TMEM132D: variants seen among roughly 807,000 people sequenced by gnomAD.
TMEM132D encodes transmembrane protein 132D.
In TMEM132D, 21 loss-of-function variants were observed where a neutral mutation model predicts 62.3. That is an observed-to-expected ratio of 0.34 (90% CI 0.24 to 0.49). The LOEUF (loss-of-function observed/expected upper bound fraction) is 0.49, where lower values mean the gene tolerates loss of function less well. TMEM132D is among the 20% of genes least tolerant of loss of function. The pLI is 0.99. For synonymous variants in TMEM132D, 621 were observed against 575.6 expected, an observed-to-expected ratio of 1.08 and a Z score of -1.13; for missense variants, 1,346 against 1,402.8, an observed-to-expected ratio of 0.96 and a Z score of 0.65.
intron 1 of TMEM132D, among the ~76,000 whole-genome samples, chr12:129,719,707 T>A (rs1281797834): frequency 2.0e-5 from 3 of 152,200 alleles, no homozygotes; most frequent in Non-Finnish European, 4.4e-5. Flanking sequence ...AAGTGCCTAT[T>A]TCAGGGCCTT....
intron 4 of TMEM132D, among the ~76,000 whole-genome samples, chr12:129,213,820 C>T (rs754851632): frequency 4.6e-5 from 7 of 152,190 alleles, no homozygotes; most frequent in Non-Finnish European, 8.8e-5. Flanking sequence ...TCCCATGGCC[C>T]TACCTCCAAC....
intron 1 of TMEM132D, among the ~76,000 whole-genome samples, chr12:129,890,607 G>A (rs1874891172): frequency 6.6e-6 from 1 of 152,184 alleles, no homozygotes; most frequent in Non-Finnish European, 1.5e-5. Flanking sequence ...GATTTCTAAA[G>A]AGTTACACGA....
intron 4 of TMEM132D, among the ~76,000 whole-genome samples, chr12:129,272,500 C>G (rs1880880089): frequency 6.6e-6 from 1 of 151,772 alleles, no homozygotes. Flanking sequence ...CCATGAGGTT[C>G]TTGATAAATG....
chr12:129,865,578 G>A (rs1874033665), intron 1 of TMEM132D, among the ~76,000 whole-genome samples: 1 of 152,176 alleles, frequency 6.6e-6, no homozygotes, highest in South Asian at 2.1e-4. Context: ...GGGAATCTGG[G>A]TTTCATTGTG....
chr12:129,408,451 T>TG (rs1388765789), intron 3 of TMEM132D, among the ~76,000 whole-genome samples: 1 of 151,958 alleles, frequency 6.6e-6, no homozygotes, highest in East Asian at 1.9e-4. Context: ...TTTTTTTTTT[T>TG]TTATCATTTC....
In TMEM132D at chr12:129,742,003, T is replaced by C. The variant is rs375340061; in HGVS notation, c.80-41305A>G. 9.9e-5 allele frequency among the ~76,000 whole-genome samples: 15 copies of C among 152,276 alleles called. No individual in the cohort carries two copies. The East Asian group carries it at 2.9e-3, about 29-fold the overall frequency. On this transcript the variant is annotated intron_variant, in intron 1 of 8. Transcript: ENST00000422113. ...TCCCAAACTAACAACATCTACATCT[T>C]TAGCATACCACAAGGTATGCAAAAT...
intron 5 of TMEM132D, among the ~76,000 whole-genome samples, chr12:129,199,102 C>CTT (rs58775767): frequency 3.4e-4 from 33 of 95,812 alleles, no homozygotes; most frequent in Non-Finnish European, 5.4e-4. Context: ...GTCCATCTAC[C>CTT]TTTTTTTTTT....
chr12:129,285,004 G>A (rs1468038781), intron 4 of TMEM132D, among the ~76,000 whole-genome samples: 1 of 152,214 alleles, frequency 6.6e-6, no homozygotes, highest in Non-Finnish European at 1.5e-5. Flanking sequence ...ACAGCATTGT[G>A]AATATACGAA....
intron 5 of TMEM132D, among the ~76,000 whole-genome samples, chr12:129,130,987 C>A (rs73416544): frequency 0.095 from 14,377 of 152,102 alleles, 876 homozygotes; most frequent in African/African-American, 0.16. Context: ...GTGGTGGGAC[C>A]GAGGCATCAG....
At chr12:129,098,711 C>T (rs1875193189) in intron 5 of TMEM132D, among the ~76,000 whole-genome samples, 1 of 152,188 alleles carries the variant, frequency 6.6e-6, no homozygotes, top group African/African-American at 2.4e-5. Flanking sequence ...GCCAAAGTGA[C>T]CTTATTACAT....
At chr12:129,620,503 A>G (rs1199474134) in intron 2 of TMEM132D, among the ~76,000 whole-genome samples, 1 of 152,108 alleles carries the variant, frequency 6.6e-6, no homozygotes, top group African/African-American at 2.4e-5. Context: ...GGAGGCTGAA[A>G]CTTGAGAATC....
At chr12:129,399,576 C>T (rs755149912) in intron 3 of TMEM132D, among the ~76,000 whole-genome samples, 2 of 150,920 alleles carry the variant, frequency 1.3e-5, no homozygotes, top group Non-Finnish European at 2.9e-5. Context: ...AAGACATGAG[C>T]TTTGGGTAAC....
intron 2 of TMEM132D, among the ~76,000 whole-genome samples, chr12:129,667,376 G>T (rs535668410): frequency 1.3e-5 from 2 of 152,174 alleles, no homozygotes; most frequent in East Asian, 3.9e-4. Context: ...TTCTCCTTTG[G>T]TTAAATGGCA....
chr12:129,180,993 C>T (rs952484314), intron 5 of TMEM132D, among the ~76,000 whole-genome samples: 1 of 151,788 alleles, frequency 6.6e-6, no homozygotes, highest in Non-Finnish European at 1.5e-5. Context: ...GGTTATGGGG[C>T]CAGGAGAGGA....
intron 1 of TMEM132D, among the ~76,000 whole-genome samples, chr12:129,823,918 T>C (rs574937117): frequency 1.3e-5 from 2 of 152,344 alleles, no homozygotes; most frequent in East Asian, 3.9e-4. Flanking sequence ...TTTAATCTCA[T>C]TCCCGTTAAA....
intron 3 of TMEM132D, among the ~76,000 whole-genome samples, chr12:129,347,271 A>G (rs771659634): frequency 1.1e-4 from 17 of 152,230 alleles, no homozygotes; most frequent in Non-Finnish European, 2.2e-4. Context: ...AGCAAAAAGA[A>G]CAAAGCTGGC....
intron 3 of TMEM132D, among the ~76,000 whole-genome samples, chr12:129,397,774 C>T (rs1382373442): frequency 1.3e-5 from 2 of 152,146 alleles, no homozygotes; most frequent in Non-Finnish European, 2.9e-5. Flanking sequence ...AAGGAAAGGT[C>T]CACAGTAGTA....
At chr12:129,672,038 C>A (rs915410531) in intron 2 of TMEM132D, among the ~76,000 whole-genome samples, 1 of 152,154 alleles carries the variant, frequency 6.6e-6, no homozygotes, top group Admixed American at 6.5e-5. Flanking sequence ...ATGACCTGAT[C>A]GTGCAAAAAT....
At chr12:129,747,172 A>G (rs1593145333) in intron 1 of TMEM132D, among the ~76,000 whole-genome samples, 2 of 1,072 alleles carry the variant, frequency 1.9e-3, no homozygotes, top group South Asian at 0.071. Flanking sequence ...CGCTTGTCCA[A>G]TAGCTCTCCT....
Sources: gnomAD v4.1 joint callset for allele counts (sites outside exome capture counted in the v4.1 genomes callset) on GRCh38, gnomAD v4.1.1 for gene constraint, MANE v1.5 for transcripts, NCBI Gene and HGNC (gene_info 2026-07-23, HGNC 2026-07-21) for gene names.